The following WWOX variants were observed in gnomAD, a reference collection of about 807,000 sequenced individuals.
The protein encoded by WWOX is WW domain-containing oxidoreductase.
A neutral mutation model predicts 46.2 loss-of-function variants in WWOX; 69 were observed. That is an observed-to-expected ratio of 1.49 (90% confidence interval 1.23 to 1.82). WWOX has a LOEUF of 1.82. Among genes scored for constraint, WWOX ranks in the 40% most tolerant of loss-of-function variants. The pLI, the probability that WWOX is intolerant of heterozygous loss-of-function variation, is 0.00. For missense variants in WWOX, 919 were observed against 542.6 expected, an observed-to-expected ratio of 1.69 and a Z score of -6.89; for synonymous variants, 359 against 202.6, an observed-to-expected ratio of 1.77 and a Z score of -6.56.
At chr16:79,051,495 T>C (rs908725004) in intron 8 of WWOX, among the ~76,000 whole-genome samples, 2 of 149,936 alleles carry the variant, frequency 1.3e-5, no homozygotes, top group African/African-American at 4.9e-5. Flanking sequence ...CTAACACTTA[T>C]GTCATTGGCT....
At position 79,062,759 on chromosome 16, in the gene WWOX, G is replaced by A. The variant is rs1011273784; in HGVS notation, c.1057-148849G>A. On this transcript the variant is annotated intron_variant, in intron 8 of 8. Transcript: ENST00000566780. ...GGCTTTATTTAACTCCTTCAGCCCC[G>A]GAACATCACAGGGCCCTTCTTTGTG... Among the ~76,000 whole-genome samples, 6 of 152,256 alleles carry A rather than the reference G, an allele frequency of 3.9e-5. No individual in the cohort carries two copies. The South Asian group carries it at 6.2e-4, about 16-fold the overall frequency.
At chr16:78,457,667 A>G (rs1413393715) in intron 8 of WWOX, among the ~76,000 whole-genome samples, 1 of 152,024 alleles carries the variant, frequency 6.6e-6, no homozygotes, top group East Asian at 1.9e-4. Flanking sequence ...TAATCCCAGC[A>G]CTTTGGGAGG....
chr16:79,133,859 G>A (rs1356497778), intron 8 of WWOX, among the ~76,000 whole-genome samples: 3 of 152,122 alleles, frequency 2.0e-5, no homozygotes, highest in African/African-American at 7.2e-5. Context: ...CAAAGGCTTG[G>A]CACAAAAAAT....
chr16:78,968,961 A>C (rs982069783), intron 8 of WWOX, among the ~76,000 whole-genome samples: 20 of 151,248 alleles, frequency 1.3e-4, no homozygotes, highest in Non-Finnish European at 2.8e-4. Flanking sequence ...GCTTTTTTCC[A>C]CTTTCAAATG....
chr16:79,041,880 C>A (rs1175071413), intron 8 of WWOX, among the ~76,000 whole-genome samples: 1 of 152,026 alleles, frequency 6.6e-6, no homozygotes, highest in Admixed American at 6.5e-5. Flanking sequence ...CTTTCTCACA[C>A]GTGTTTAGAG....
At chr16:78,389,402 G>A (rs774063937) in intron 6 of WWOX, among the ~76,000 whole-genome samples, 1 of 152,168 alleles carries the variant, frequency 6.6e-6, no homozygotes, top group Non-Finnish European at 1.5e-5. Flanking sequence ...CACACAAGCT[G>A]TCACCTCAGT....
intron 8 of WWOX, among the ~76,000 whole-genome samples, chr16:78,713,554 C>T (rs1048170993): frequency 6.6e-6 from 1 of 152,072 alleles, no homozygotes; most frequent in East Asian, 1.9e-4. Context: ...TGGATGGTCC[C>T]TAATTCAGTT....
Position 78,756,941 on chromosome 16 carries a change from A to T in WWOX, c.1056+324189A>T, listed in dbSNP as rs1329708834. ...ACTGATGTGGATCATTCACTCTAGGAAAAGCCAGCTGCCATGTTGGGAGGA... is the reference window on the plus strand; with the variant it reads ...ACTGATGTGGATCATTCACTCTAGGTAAAGCCAGCTGCCATGTTGGGAGGA... On this transcript the variant is annotated intron_variant, in intron 8 of 8. Transcript: ENST00000566780. The T allele has an allele frequency of 3.4e-5, 24 of 703,006 alleles. No homozygotes were observed. In the East Asian group the frequency reaches 6.4e-4, roughly 19 times the overall value. 43.5% of individuals were successfully genotyped at this position (703,006 alleles called of 1,614,324 possible). A position where few individuals can be genotyped will look rare whatever the true frequency, so the allele number is the denominator to read the frequency against.
At chr16:78,718,823 C>G (rs1395010970) in intron 8 of WWOX, among the ~76,000 whole-genome samples, 1 of 151,872 alleles carries the variant, frequency 6.6e-6, no homozygotes, top group East Asian at 1.9e-4. Context: ...TCTATTGGTT[C>G]CTTTGGAGGA....
chr16:78,998,840 C>G (rs376262785), intron 8 of WWOX, among the ~76,000 whole-genome samples: 1 of 152,218 alleles, frequency 6.6e-6, no homozygotes, highest in Non-Finnish European at 1.5e-5. Context: ...GTCAGGGTCT[C>G]TGAAATCTGA....
intron 8 of WWOX, among the ~76,000 whole-genome samples, chr16:78,491,985 T>C (rs966615239): frequency 3.9e-5 from 6 of 152,190 alleles, no homozygotes; most frequent in Middle Eastern, 3.4e-3. Flanking sequence ...TCCAGGTGCA[T>C]TTTAAGCATG....
chr16:78,396,271 T>A (rs2082284193), intron 6 of WWOX, among the ~76,000 whole-genome samples: 1 of 151,982 alleles, frequency 6.6e-6, no homozygotes, highest in African/African-American at 2.4e-5. Flanking sequence ...AATTATTACA[T>A]CAATTAGGGG....
At chr16:79,136,425 T>C (rs937486390) in intron 8 of WWOX, among the ~76,000 whole-genome samples, 1 of 151,996 alleles carries the variant, frequency 6.6e-6, no homozygotes, top group African/African-American at 2.4e-5. Context: ...GAGACGGGAT[T>C]TTACCATGTT....
chr16:78,956,889 A>G (rs17635945), intron 8 of WWOX, among the ~76,000 whole-genome samples: 10,181 of 152,256 alleles, frequency 0.067, 461 homozygotes, highest in Middle Eastern at 0.1. Flanking sequence ...GCCACTCAAA[A>G]TTCTGGGAAA....
At chr16:78,422,878 C>T (rs1712582860) in intron 6 of WWOX, among the ~76,000 whole-genome samples, 1 of 136,572 alleles carries the variant, frequency 7.3e-6, no homozygotes. Flanking sequence ...CACACACACA[C>T]ACACACATAT....
At chr16:78,928,473 A>G (rs2045551235) in intron 8 of WWOX, among the ~76,000 whole-genome samples, 1 of 152,200 alleles carries the variant, frequency 6.6e-6, no homozygotes, top group Non-Finnish European at 1.5e-5. Flanking sequence ...AAGTGCTGGG[A>G]TTACAGGCGT....
At chr16:78,853,769 G>A (rs188850210) in intron 8 of WWOX, among the ~76,000 whole-genome samples, 12 of 152,152 alleles carry the variant, frequency 7.9e-5, no homozygotes, top group Non-Finnish European at 1.5e-4. Flanking sequence ...ACATCCCAGG[G>A]AGGTTTTCAC....
At chr16:79,184,758 G>A (rs2050980487) in intron 8 of WWOX, among the ~76,000 whole-genome samples, 1 of 152,220 alleles carries the variant, frequency 6.6e-6, no homozygotes, top group East Asian at 1.9e-4. Context: ...GGAGTTTGAA[G>A]AGGAGGCACC....
intron 8 of WWOX, among the ~76,000 whole-genome samples, chr16:79,074,240 AAATAT>A (rs1021583144): frequency 6.6e-6 from 1 of 151,910 alleles, no homozygotes; most frequent in African/African-American, 2.4e-5. Context: ...TTTTTTTAAA[AAATAT>A]AATAAATCAT....
Sources: allele counts gnomAD v4.1 joint callset (sites outside exome capture counted in the v4.1 genomes callset), GRCh38; gene constraint gnomAD v4.1.1; transcripts MANE v1.5; gene names NCBI Gene and HGNC (gene_info 2026-07-23, HGNC 2026-07-21).